The following MYO9A variants were observed in gnomAD, a reference collection of about 807,000 sequenced individuals.
The protein encoded by MYO9A is myosin IXA, also known as unconventional myosin-IXa.
In MYO9A, 103 loss-of-function variants were observed where a neutral mutation model predicts 293.3. That is an observed-to-expected ratio of 0.35 (90% CI 0.30 to 0.41). MYO9A has a LOEUF of 0.41. Ranked by LOEUF, MYO9A falls within the 10% of genes least tolerant of loss-of-function variation. The probability of loss-of-function intolerance (pLI) is 1.00; values close to 1 mark genes in which losing one functional copy is unlikely to be tolerated. For synonymous variants in MYO9A, 1,001 were observed against 1,035.7 expected (o/e 0.97, Z 0.64); for missense variants, 2,685 against 3,033.0 (o/e 0.89, Z 2.69).
At chr15:71,981,641 G>GTCTCTCTCTCTCTCTCTCTCTCTC (rs142432028) in intron 11 of MYO9A, among the ~76,000 whole-genome samples, 4 of 144,498 alleles carry the variant, frequency 2.8e-5, no homozygotes, top group South Asian at 2.2e-4. Flanking sequence ...TCTCTGTCTT[G>GTCTCTCTCTCTCTCTCTCTCTCTC]TCTCTCTCTC....
At chr15:71,991,792 C>T (rs1347106243) in intron 10 of MYO9A, among the ~76,000 whole-genome samples, 2 of 152,290 alleles carry the variant, frequency 1.3e-5, no homozygotes, top group South Asian at 2.1e-4. Flanking sequence ...CTCGATCTGT[C>T]GCCCAGGCTG....
intron 2 of MYO9A, among the ~76,000 whole-genome samples, chr15:72,040,560 C>T (rs1339991375): frequency 6.6e-6 from 1 of 152,136 alleles, no homozygotes; most frequent in African/African-American, 2.4e-5. Flanking sequence ...TATGTGTCTG[C>T]GAGCCTAATC....
chr15:72,069,963 CA>C (rs34461691), intron 1 of MYO9A, among the ~76,000 whole-genome samples: 178 of 133,978 alleles, frequency 1.3e-3, no homozygotes, highest in Non-Finnish European at 1.1e-3. Context: ...ACTAAAAATA[CA>C]AAAAAAAAAA....
chr15:71,997,692 AAAAT>A (rs2076738274), intron 9 of MYO9A, among the ~76,000 whole-genome samples: 1 of 152,142 alleles, frequency 6.6e-6, no homozygotes, highest in African/African-American at 2.4e-5. Context: ...GTTAAAAATG[AAAAT>A]AAATACTAAA....
intron 39 of MYO9A, among the ~76,000 whole-genome samples, chr15:71,839,605 T>TCG (rs1288843735): frequency 1.3e-5 from 2 of 152,122 alleles, no homozygotes; most frequent in African/African-American, 4.8e-5. Context: ...AGATGATATC[T>TCG]CGCATTGTTG....
intron 39 of MYO9A, among the ~76,000 whole-genome samples, chr15:71,843,366 T>C (rs562435097): frequency 6.0e-5 from 9 of 150,096 alleles, no homozygotes; most frequent in African/African-American, 2.2e-4. Flanking sequence ...GAGGCGGAGG[T>C]TGCAGTGAGC....
At chr15:71,930,216 T>C (rs182995643) in intron 18 of MYO9A, among the ~76,000 whole-genome samples, 6 of 152,306 alleles carry the variant, frequency 3.9e-5, no homozygotes, top group African/African-American at 1.4e-4. Flanking sequence ...ATTAAATGCA[T>C]TTGGTCCACT....
intron 17 of MYO9A, among the ~76,000 whole-genome samples, chr15:71,934,240 GGA>G (rs1280243941): frequency 6.6e-6 from 1 of 151,870 alleles, no homozygotes; most frequent in Non-Finnish European, 1.5e-5. Context: ...CAGAAAAGAA[GGA>G]ATAAAGTCCA....
chr15:72,097,328 T>C (rs1389021613), intron 1 of MYO9A, among the ~76,000 whole-genome samples: 2 of 152,154 alleles, frequency 1.3e-5, no homozygotes, highest in African/African-American at 4.8e-5. Context: ...GTAAAGAACC[T>C]CCACCAGCAA....
chr15:71,930,643 A>G (rs1437830734), intron 18 of MYO9A, among the ~76,000 whole-genome samples: 8 of 152,034 alleles, frequency 5.3e-5, no homozygotes, highest in African/African-American at 1.9e-4. Flanking sequence ...CTCTTTTTTT[A>G]ATGCATTCAG....
In MYO9A at chr15:72,098,938, T is replaced by C. The variant is rs140019020; in HGVS notation, c.-72+18742A>G. On this transcript the variant is annotated intron_variant, in intron 1 of 41. Transcript: ENST00000356056. ...TAGTAAAGGCCATCAAAGCCAGAAG[T>C]TGTATTTAAAAAAAAAAACAACTAT... Among the ~76,000 whole-genome samples the C allele has an allele frequency of 4.1e-3, 623 of 150,290 alleles. 25 individuals are homozygous for C. The highest frequency in any genetic ancestry group is 0.036 in the Admixed American group (550 of 15,200).
Position 71,994,777 on chromosome 15 carries a change from C to T in MYO9A, c.1471-192G>A, listed in dbSNP as rs1004468157. 6.6e-5 allele frequency among the ~76,000 whole-genome samples: 10 copies of T among 152,312 alleles called. 1 individual carries two copies. In the South Asian group the frequency reaches 1.0e-3, roughly 16 times the overall value. On this transcript the variant is annotated intron_variant, in intron 9 of 41. Transcript: ENST00000356056. ...TTGAGAGTTTGGCTCTCATTGGCCACGCTGGAATGCAATGGTGCAATCTCG... is the reference window on the plus strand; with the variant it reads ...TTGAGAGTTTGGCTCTCATTGGCCATGCTGGAATGCAATGGTGCAATCTCG...
At chr15:71,851,826 C>T (rs1009274787) in intron 36 of MYO9A, among the ~76,000 whole-genome samples, 41 of 152,160 alleles carry the variant, frequency 2.7e-4, no homozygotes, top group African/African-American at 9.7e-4. Flanking sequence ...GAACATAAGC[C>T]TAATCTTAAA....
intron 37 of MYO9A, 45 bp from the exon 38 acceptor site, chr15:71,850,212 A>C (rs760944966): frequency 1.2e-6 from 2 of 1,607,304 alleles, no homozygotes; most frequent in East Asian, 4.5e-5. Context: ...AAGGGATAAA[A>C]AGGGAGCACC....
At chr15:71,934,520 C>T (rs1381748355) in intron 17 of MYO9A, among the ~76,000 whole-genome samples, 1 of 152,022 alleles carries the variant, frequency 6.6e-6, no homozygotes, top group Non-Finnish European at 1.5e-5. Context: ...CCAATTCAGT[C>T]ACACCTCTAG....
chr15:71,850,233 A>C (rs2141285549), intron 37 of MYO9A, 66 bp from the exon 38 acceptor site: 2 of 1,566,384 alleles, frequency 1.3e-6, no homozygotes, highest in South Asian at 2.2e-5. Flanking sequence ...ATAGGGAAAT[A>C]GGCAGAAGAG....
intron 20 of MYO9A, 83 bp from the exon 21 acceptor site, chr15:71,904,122 G>A: frequency 9.2e-7 from 1 of 1,081,782 alleles, no homozygotes; most frequent in Non-Finnish European, 1.4e-6. Flanking sequence ...TAACTGTTGA[G>A]TATCTAGAGA....
Position 72,047,774 on chromosome 15 carries a change from C to T in MYO9A, c.-71-1140G>A, listed in dbSNP as rs867907327. Among the ~76,000 whole-genome samples the T allele has an allele frequency of 1.8e-3, 134 of 74,396 alleles. 1 individual carries two copies. The highest frequency in any genetic ancestry group is 0.017 in the Middle Eastern group (1 of 58). 48.8% of individuals were successfully genotyped at this position (74,396 alleles called of 152,430 possible). ...AAGAAGAAATACTTTCAGTTACTTC[C>T]TTTTTTTTTTTTTTTTTTTTTGAGA... On this transcript the variant is annotated intron_variant, in intron 1 of 41. Transcript: ENST00000356056.
chr15:72,021,061 T>C lies in MYO9A; in HGVS notation c.999-44A>G, dbSNP rs781054248. The C allele has an allele frequency of 2.6e-5, 33 of 1,282,772 alleles. No homozygotes were observed. The East Asian group carries it at 3.2e-4, about 12-fold the overall frequency. The allele number at this position is 1,282,772 out of a possible 1,614,324, so 79.5% of individuals were successfully genotyped here. On this transcript the variant is annotated intron_variant, in intron 4 of 41. Transcript: ENST00000356056. Reference sequence around the variant, plus strand: ...TACAAGTTTCATAATGTGTGACTTATGGTTATCATTTAACAGGGGGAGGGG... The same window carrying C: ...TACAAGTTTCATAATGTGTGACTTACGGTTATCATTTAACAGGGGGAGGGG...
Sources: allele counts gnomAD v4.1 joint callset (sites outside exome capture counted in the v4.1 genomes callset), GRCh38; gene constraint gnomAD v4.1.1; transcripts MANE v1.5; gene names NCBI Gene and HGNC (gene_info 2026-07-23, HGNC 2026-07-21).